Variants in HDAC9 observed in about 807,000 individuals in gnomAD.
HDAC9 encodes histone deacetylase 9.
In HDAC9, 41 loss-of-function variants were observed where a neutral mutation model predicts 139.4. The ratio of observed to expected loss-of-function variants is 0.29; its 90% CI spans 0.23 to 0.38. The LOEUF is 0.38. HDAC9 is among the 10% of genes least tolerant of loss of function. The pLI, the probability that HDAC9 is intolerant of heterozygous loss-of-function variation, is 1.00. For missense variants in HDAC9, 1,147 were observed against 1,297.0 expected (o/e 0.88, Z 1.78); for synonymous variants, 517 against 476.2 (o/e 1.09, Z -1.12).
rs537859273 is a variant in HDAC9 at position 18,218,272 on chromosome 7, C to T, written c.25+55923C>T. Among the ~76,000 whole-genome samples the T allele has an allele frequency of 1.6e-4, 25 of 151,978 alleles. No homozygotes were observed. In the East Asian group the frequency reaches 1.9e-3, roughly 12 times the overall value. ...CAGCCTGGCCAACTTGGTAAAACTC[C>T]GTCTCTACTAAAAATACAAAAATTA... On this transcript the variant is annotated intron_variant, in intron 2 of 12. Coordinates refer to the HDAC9 transcript ENST00000417496.
chr7:18,684,630 A>G (rs1446652036), intron 12 of HDAC9, among the ~76,000 whole-genome samples: 4 of 152,022 alleles, frequency 2.6e-5, no homozygotes, highest in Non-Finnish European at 5.9e-5. Context: ...AAAATGACAT[A>G]TCTCTTAATT....
chr7:18,139,293 T>A lies in HDAC9; in HGVS notation c.-96-22936T>A, dbSNP rs142743601. ...GGCATGTGTCACCACGACTGGCTAA[T>A]TTTTGTTATTTTTTGTAGAGATGGG... On this transcript the variant is annotated intron_variant, in intron 1 of 12. Transcript: ENST00000417496. 4.8e-3 allele frequency among the ~76,000 whole-genome samples: 727 copies of A among 152,024 alleles called. 4 individuals carry two copies. Among genetic ancestry groups the A allele is most frequent in the African/African-American group, 0.017 (704 of 41,492 alleles).
At chr7:18,141,777 T>C (rs985569498) in intron 1 of HDAC9, among the ~76,000 whole-genome samples, 1 of 152,162 alleles carries the variant, frequency 6.6e-6, no homozygotes, top group Admixed American at 6.5e-5. Flanking sequence ...ACAGCCACAA[T>C]CTTGGCCCTG....
At chr7:18,823,066 A>G (rs1251305735) in intron 17 of HDAC9, among the ~76,000 whole-genome samples, 1 of 152,182 alleles carries the variant, frequency 6.6e-6, no homozygotes, top group Non-Finnish European at 1.5e-5. Context: ...CAGGCTATCA[A>G]AGAGGGAGAG....
At chr7:18,787,765 A>G (rs1392899611) in intron 16 of HDAC9, among the ~76,000 whole-genome samples, 1 of 152,224 alleles carries the variant, frequency 6.6e-6, no homozygotes, top group South Asian at 2.1e-4. Flanking sequence ...CCTTGGAAAT[A>G]AATGGGACAC....
At chr7:18,625,682 C>T (rs1051586708) in intron 6 of HDAC9, among the ~76,000 whole-genome samples, 1 of 152,144 alleles carries the variant, frequency 6.6e-6, no homozygotes, top group Non-Finnish European at 1.5e-5. Context: ...CAGTGGCTCA[C>T]ACCTGTAATC....
intron 23 of HDAC9, chr7:18,949,095 G>A: frequency 3.1e-6 from 1 of 327,668 alleles, no homozygotes; most frequent in Non-Finnish European, 5.9e-6. Context: ...TTTTTTTTCT[G>A]TTTTTTGAAG....
At chr7:18,776,633 G>A (rs1790790304) in intron 16 of HDAC9, among the ~76,000 whole-genome samples, 1 of 152,184 alleles carries the variant, frequency 6.6e-6, no homozygotes, top group Admixed American at 6.5e-5. Flanking sequence ...AAGGAAGCAA[G>A]GAAGGGGTGT....
intron 1 of HDAC9, among the ~76,000 whole-genome samples, chr7:18,131,488 A>T (rs1446390683): frequency 6.6e-6 from 1 of 152,220 alleles, no homozygotes; most frequent in African/African-American, 2.4e-5. Flanking sequence ...AAAGGAATTA[A>T]GAAGTATTAA....
At chr7:18,445,508 C>G (rs574510528) in intron 1 of HDAC9, among the ~76,000 whole-genome samples, 2 of 152,194 alleles carry the variant, frequency 1.3e-5, no homozygotes, top group East Asian at 3.9e-4. Context: ...GCTGAGCGGC[C>G]TCTGTGATTG....
chr7:18,924,279 T>C (rs1331793544), intron 22 of HDAC9, among the ~76,000 whole-genome samples: 1 of 152,106 alleles, frequency 6.6e-6, no homozygotes, highest in Non-Finnish European at 1.5e-5. Flanking sequence ...CAATAACAAA[T>C]GTATAATAGA....
intron 25 of HDAC9, among the ~76,000 whole-genome samples, chr7:18,990,334 AG>A (rs1220319798): frequency 2.0e-5 from 3 of 151,178 alleles, no homozygotes; most frequent in East Asian, 1.9e-4. Flanking sequence ...GCCCCTGCTG[AG>A]GGGTGCCTCC....
intron 1 of HDAC9, among the ~76,000 whole-genome samples, chr7:18,329,428 T>TAC (rs1267472894): frequency 6.6e-6 from 1 of 151,722 alleles, no homozygotes; most frequent in African/African-American, 2.4e-5. Flanking sequence ...TCCATAAATA[T>TAC]ACAATTATTA....
chr7:18,593,947 C>T lies in HDAC9; in HGVS notation c.582C>T (p.Pro194=), dbSNP rs1280240247. Residue 194 remains proline, a synonymous_variant, in exon 6 of 26, where the codon CCC becomes CCT. Transcript: ENST00000686413. ...CATCATTGGATCAAAGCTCTCCACC[C>T]CTTAGTGGAACATCTCCATCCTACA... The part of the protein sequence containing the change: ...HHTSLDQSSP[P]LSGTSPSYKY... 1 of 1,612,480 alleles carries T rather than the reference C, an allele frequency of 6.2e-7. No homozygotes were observed. The highest frequency in any genetic ancestry group is 8.5e-7 in the Non-Finnish European group (1 of 1,178,822).
intron 12 of HDAC9, among the ~76,000 whole-genome samples, chr7:18,671,323 C>A (rs999212760): frequency 6.6e-6 from 1 of 151,932 alleles, no homozygotes; most frequent in East Asian, 1.9e-4. Context: ...TCTGACCACA[C>A]CCCTAGAGGT....
chr7:18,319,515 A>G (rs1799884556), intron 1 of HDAC9, among the ~76,000 whole-genome samples: 1 of 152,222 alleles, frequency 6.6e-6, no homozygotes, highest in African/African-American at 2.4e-5. Context: ...CAAATCTGCT[A>G]TTCTTGCAAA....
At chr7:18,903,023 T>C (rs2129282414) in intron 22 of HDAC9, among the ~76,000 whole-genome samples, 1 of 152,332 alleles carries the variant, frequency 6.6e-6, no homozygotes, top group Middle Eastern at 3.4e-3. Flanking sequence ...TACACAGTTA[T>C]GTAGGGGAAT....
At chr7:18,213,249 A>G (rs1326766600) in intron 2 of HDAC9, among the ~76,000 whole-genome samples, 1 of 152,146 alleles carries the variant, frequency 6.6e-6, no homozygotes, top group African/African-American at 2.4e-5. Context: ...TAATTTTTCA[A>G]TTTGGCATTT....
chr7:18,478,299 C>T (rs543012382), intron 1 of HDAC9, among the ~76,000 whole-genome samples: 1 of 152,236 alleles, frequency 6.6e-6, no homozygotes, highest in South Asian at 2.1e-4. Context: ...TCTTGATCTC[C>T]TGACCTCGGG....
Sources: allele counts gnomAD v4.1 joint callset (sites outside exome capture counted in the v4.1 genomes callset), GRCh38; gene constraint gnomAD v4.1.1; transcripts MANE v1.5; gene names NCBI Gene and HGNC (gene_info 2026-07-23, HGNC 2026-07-21).